The following IFT43 variants were observed in gnomAD, a reference collection of about 807,000 sequenced individuals.
IFT43 encodes the protein intraflagellar transport 43.
Under a neutral mutation model 32.3 loss-of-function variants are expected in IFT43, and 33 were observed. The ratio of observed to expected loss-of-function variants is 1.02; its 90% CI spans 0.77 to 1.37. IFT43 has a LOEUF of 1.37. IFT43 is among the 40% of genes most tolerant of loss of function. The pLI is 0.00. For missense variants in IFT43, 274 were observed against 265.9 expected, an observed-to-expected ratio of 1.03 and a Z score of -0.21; for synonymous variants, 93 against 98.2, an observed-to-expected ratio of 0.95 and a Z score of 0.31.
At chr14:76,053,126 A>G (rs1044788245) in intron 3 of IFT43, among the ~76,000 whole-genome samples, 1 of 152,182 alleles carries the variant, frequency 6.6e-6, no homozygotes, top group Non-Finnish European at 1.5e-5. Flanking sequence ...ATAATACTGA[A>G]ATAAGATAAT....
chr14:76,069,938 T>C (rs1477815157), intron 5 of IFT43, among the ~76,000 whole-genome samples: 1 of 152,232 alleles, frequency 6.6e-6, no homozygotes, highest in Non-Finnish European at 1.5e-5. Context: ...CCTCAGAACC[T>C]TAGGAATAAT....
intron 3 of IFT43, among the ~76,000 whole-genome samples, chr14:76,053,181 A>T (rs2036947674): frequency 6.6e-6 from 1 of 152,200 alleles, no homozygotes; most frequent in South Asian, 2.1e-4. Context: ...GTATAATAGT[A>T]TTATAAATAC....
At chr14:75,998,857 C>T (rs2035796684) in intron 2 of IFT43, among the ~76,000 whole-genome samples, 1 of 152,122 alleles carries the variant, frequency 6.6e-6, no homozygotes, top group Non-Finnish European at 1.5e-5. Flanking sequence ...CTCGGCCTGC[C>T]GAGTAACTGG....
chr14:76,002,534 C>T (rs1411357164), intron 2 of IFT43, among the ~76,000 whole-genome samples: 1 of 152,128 alleles, frequency 6.6e-6, no homozygotes, highest in East Asian at 1.9e-4. Flanking sequence ...AGCAACAAGG[C>T]CATTGGCATT....
At chr14:76,078,590 G>A (rs2037452204) in intron 5 of IFT43, among the ~76,000 whole-genome samples, 2 of 152,226 alleles carry the variant, frequency 1.3e-5, no homozygotes, top group Admixed American at 6.5e-5. Flanking sequence ...GGCTGACCAG[G>A]CCCCACGTGG....
intron 5 of IFT43, among the ~76,000 whole-genome samples, chr14:76,070,862 A>G (rs1387931601): frequency 6.6e-6 from 1 of 151,894 alleles, no homozygotes; most frequent in Non-Finnish European, 1.5e-5. Context: ...AGGCCTCCCC[A>G]GAAGCAGAGG....
chr14:75,999,250 T>TA (rs2035815989), intron 2 of IFT43, among the ~76,000 whole-genome samples: 1 of 7,982 alleles, frequency 1.3e-4, no homozygotes, highest in Non-Finnish European at 2.8e-4. Flanking sequence ...TATATATATA[T>TA]ATATATATAT....
At chr14:76,036,787 C>T (rs1446088783) in intron 3 of IFT43, among the ~76,000 whole-genome samples, 1 of 151,602 alleles carries the variant, frequency 6.6e-6, no homozygotes. Flanking sequence ...TTGATCTTCT[C>T]TTCCTCCCTC....
At chr14:76,057,234 ATAT>A (rs2037035214) in intron 3 of IFT43, among the ~76,000 whole-genome samples, 1 of 138,006 alleles carries the variant, frequency 7.2e-6, no homozygotes, top group South Asian at 2.3e-4. Flanking sequence ...ATTTTATTTT[ATAT>A]TATTATTTTT....
chr14:76,026,999 T>C (rs749040801), intron 3 of IFT43, among the ~76,000 whole-genome samples: 2 of 152,200 alleles, frequency 1.3e-5, no homozygotes, highest in African/African-American at 2.4e-5. Context: ...CCAAACACTG[T>C]ATGTTCTCAC....
At chr14:76,073,130 TC>T (rs1401168353) in intron 5 of IFT43, among the ~76,000 whole-genome samples, 2 of 152,038 alleles carry the variant, frequency 1.3e-5, no homozygotes, top group East Asian at 3.9e-4. Context: ...GGCACCATGT[TC>T]TCTGCAATGG....
chr14:76,082,695 G>T lies in IFT43; in HGVS notation c.444+3G>T. ...AGTACTCAGCCATTCAGACACTGGT[G>T]AGTGGAACAGCTTCTGCATAGAGAG... On this transcript the variant is annotated splice_donor_region_variant and intron_variant, in intron 7 of 8. Coordinates refer to ENST00000314067, the MANE Select transcript of IFT43 (RefSeq NM_001102564.3). 6.3e-7 allele frequency: 1 copy of T among 1,586,064 alleles called. No homozygotes were observed. The highest frequency in any genetic ancestry group is 8.7e-7 in the Non-Finnish European group (1 of 1,154,434).
intron 2 of IFT43, among the ~76,000 whole-genome samples, chr14:76,006,861 T>G (rs75912839): frequency 0.018 from 2,730 of 149,544 alleles, 85 homozygotes; most frequent in African/African-American, 0.063. Context: ...GGACATTTTT[T>G]TTTTTTTTTT....
chr14:76,033,761 A>G (rs946896992), intron 3 of IFT43, among the ~76,000 whole-genome samples: 1 of 152,236 alleles, frequency 6.6e-6, no homozygotes, highest in Non-Finnish European at 1.5e-5. Context: ...CTGTCCCGCA[A>G]GAGCTCAAAT....
intron 2 of IFT43, among the ~76,000 whole-genome samples, chr14:76,003,548 C>CTG (rs1404791801): frequency 6.6e-6 from 1 of 151,508 alleles, no homozygotes; most frequent in Admixed American, 6.6e-5. Flanking sequence ...ATTGCTTGAA[C>CTG]TGTGACCCAG....
chr14:76,060,468 C>T (rs1248558595), intron 5 of IFT43, among the ~76,000 whole-genome samples: 1 of 152,098 alleles, frequency 6.6e-6, no homozygotes, highest in African/African-American at 2.4e-5. Flanking sequence ...ATCCTCCCAC[C>T]TTGGCTTCCC....
chr14:76,032,269 A>G (rs966028287), intron 3 of IFT43, among the ~76,000 whole-genome samples: 3 of 152,196 alleles, frequency 2.0e-5, no homozygotes, highest in Non-Finnish European at 2.9e-5. Flanking sequence ...TGCAGCCACC[A>G]TCATTTCTTG....
At chr14:76,011,196 C>A (rs754809292) in intron 2 of IFT43, among the ~76,000 whole-genome samples, 3 of 152,126 alleles carry the variant, frequency 2.0e-5, no homozygotes, top group Non-Finnish European at 2.9e-5. Context: ...AGGCATGAGC[C>A]ACTGCACCTG....
At chr14:76,061,402 C>G in intron 5 of IFT43, among the ~76,000 whole-genome samples, 1 of 152,120 alleles carries the variant, frequency 6.6e-6, no homozygotes, top group Non-Finnish European at 1.5e-5. Context: ...AAATCTTAGC[C>G]AATATTTCTT....
Sources: allele counts gnomAD v4.1 joint callset (sites outside exome capture counted in the v4.1 genomes callset), GRCh38; gene constraint gnomAD v4.1.1; transcripts MANE v1.5; gene names NCBI Gene and HGNC (gene_info 2026-07-23, HGNC 2026-07-21).